KIF13A: variants seen among roughly 807,000 people sequenced by gnomAD.
KIF13A encodes kinesin family member 13A.
In KIF13A, 79 loss-of-function variants were observed where a neutral mutation model predicts 212.2. The ratio of observed to expected loss-of-function variants is 0.37; its 90% CI spans 0.31 to 0.45. KIF13A has a LOEUF of 0.45. Among genes scored for constraint, KIF13A ranks in the 20% least tolerant of loss-of-function variants. KIF13A has a pLI of 1.00. For missense variants in KIF13A, 1,901 were observed against 2,209.0 expected (o/e 0.86, Z 2.79); for synonymous variants, 789 against 808.6 (o/e 0.98, Z 0.41).
At chr6:17,801,543 C>T (rs1762476142) in intron 20 of KIF13A, among the ~76,000 whole-genome samples, 1 of 152,170 alleles carries the variant, frequency 6.6e-6, no homozygotes, top group African/African-American at 2.4e-5. Context: ...AGCAACAAAA[C>T]TCACTAATAA....
intron 22 of KIF13A, among the ~76,000 whole-genome samples, chr6:17,797,860 T>G (rs1164117890): frequency 1.3e-5 from 2 of 152,256 alleles, no homozygotes; most frequent in South Asian, 4.1e-4. Context: ...ATTGTGCCAC[T>G]GCATTCCAGC....
intron 9 of KIF13A, among the ~76,000 whole-genome samples, chr6:17,844,433 C>G (rs974135935): frequency 6.6e-6 from 1 of 152,092 alleles, no homozygotes; most frequent in Admixed American, 6.6e-5. Context: ...TATGTTGAAC[C>G]TAGAATTCTG....
intron 6 of KIF13A, among the ~76,000 whole-genome samples, chr6:17,854,842 T>C (rs1234362519): frequency 2.0e-5 from 3 of 152,106 alleles, no homozygotes; most frequent in Admixed American, 6.6e-5. Context: ...TATGAGTCAC[T>C]GTACCCGGCC....
chr6:17,948,487 T>G (rs1233302763), intron 2 of KIF13A, among the ~76,000 whole-genome samples: 3 of 151,868 alleles, frequency 2.0e-5, no homozygotes, highest in Non-Finnish European at 4.4e-5. Flanking sequence ...AAATAAGTTA[T>G]GCTACATGAA....
chr6:17,914,427 A>G lies in KIF13A; in HGVS notation c.147-16247T>C, dbSNP rs1316206394. On this transcript the variant is annotated intron_variant, in intron 2 of 38. Transcript: ENST00000259711. This position sits in a 1 kb window ranked among gnomAD's most constrained non-coding sequence, Gnocchi z 5.9. Reference sequence around the variant, plus strand: ...AAATACAAAACTTGAGATGAATATGAGTACATCCACAATAACTATTAATTT... The same window carrying G: ...AAATACAAAACTTGAGATGAATATGGGTACATCCACAATAACTATTAATTT... Among the ~76,000 whole-genome samples, 1 of 152,236 alleles carries G rather than the reference A, an allele frequency of 6.6e-6. No individual in the cohort carries two copies. The highest frequency in any genetic ancestry group is 2.4e-5 in the African/African-American group (1 of 41,446).
In KIF13A at chr6:17,926,503, A is replaced by AT. The variant is rs1775512719; in HGVS notation, c.147-28324dup. Among the ~76,000 whole-genome samples, 1 of 152,148 alleles carries AT rather than the reference A, an allele frequency of 6.6e-6. No homozygotes were observed. Among genetic ancestry groups the AT allele is most frequent in the Admixed American group, 6.5e-5 (1 of 15,274 alleles). Reference sequence around the variant, plus strand: ...TGCCTCGGCCTCCCAAAGTGCTGGTATTACAGGTGTGAGCCACCATGCCTG... The same window carrying AT: ...TGCCTCGGCCTCCCAAAGTGCTGGTATTTACAGGTGTGAGCCACCATGCCTG... On this transcript the variant is annotated intron_variant, in intron 2 of 38. Coordinates refer to ENST00000259711, the MANE Select transcript of KIF13A (RefSeq NM_022113.6). The surrounding 1 kb of genome is among the most constrained non-coding windows in gnomAD (Gnocchi z 4.3).
At chr6:17,922,608 T>TA (rs11285603) in intron 2 of KIF13A, among the ~76,000 whole-genome samples, 3,074 of 145,204 alleles carry the variant, frequency 0.021, 45 homozygotes, top group East Asian at 0.052. Flanking sequence ...ATGAAAAACT[T>TA]AAAAAAAAAA....
At chr6:17,766,221 T>TTTATTTATTTATTTATTTA (rs1758962144) in intron 38 of KIF13A, among the ~76,000 whole-genome samples, 1 of 72,622 alleles carries the variant, frequency 1.4e-5, no homozygotes, top group Non-Finnish European at 3.5e-5. Context: ...ATTTTTAAGA[T>TTTATTTATTTATTTATTTA]TTATTTATTT....
rs116199431 is a variant in KIF13A, at chr6:17,797,893, G to A, written c.2791-1073C>T. The stretch of plus-strand genomic sequence containing the variant: ...AGCCTGGGCAACAGAGTGAGACATC[G>A]TCTTTAAAAATAAAAACAAACCCAA... On this transcript the variant is annotated intron_variant, in intron 22 of 38. Coordinates refer to ENST00000259711, the MANE Select transcript of KIF13A (RefSeq NM_022113.6). 8.0e-3 allele frequency among the ~76,000 whole-genome samples: 1,213 copies of A among 152,172 alleles called. 20 individuals are homozygous for A. Among genetic ancestry groups the A allele is most frequent in the African/African-American group, 0.028 (1,161 of 41,504 alleles).
chr6:17,809,006 A>T lies in KIF13A; in HGVS notation c.2001-76T>A. ...CCCGTTTCTAAGTGAGCATCTTATT[A>T]GAAAATGGGAGAAAACTCCTCTCGG... On this transcript the variant is annotated intron_variant, in intron 17 of 38. Transcript: ENST00000259711. This position sits in a 1 kb window ranked among gnomAD's most constrained non-coding sequence, Gnocchi z 4.7. 1 of 1,302,988 alleles carries T rather than the reference A, an allele frequency of 7.7e-7. No individual in the cohort carries two copies. Among genetic ancestry groups the T allele is most frequent in the Non-Finnish European group, 1.0e-6 (1 of 970,972 alleles). 80.7% of individuals were successfully genotyped at this position (1,302,988 alleles called of 1,614,324 possible).
chr6:17,956,302 A>G (rs1429223055), intron 2 of KIF13A, among the ~76,000 whole-genome samples: 1 of 151,940 alleles, frequency 6.6e-6, no homozygotes, highest in South Asian at 2.1e-4. Context: ...CTCTGTTATT[A>G]GACTCAACAA....
At chr6:17,976,111 C>T (rs1483014194) in intron 2 of KIF13A, among the ~76,000 whole-genome samples, 4 of 152,260 alleles carry the variant, frequency 2.6e-5, no homozygotes, top group Admixed American at 1.3e-4. Context: ...TCACTAGACT[C>T]AGGAGCCCAG....
rs529126014 is a variant in KIF13A, at chr6:17,804,184, T to C, written c.2454+177A>G. 2.0e-5 allele frequency among the ~76,000 whole-genome samples: 3 copies of C among 150,370 alleles called. No homozygotes were observed. In the East Asian group the frequency reaches 5.8e-4, roughly 29 times the overall value. On this transcript the variant is annotated intron_variant, in intron 20 of 38. Transcript: ENST00000259711. ...CAAACAAACAAACAAAACCATGACT[T>C]AATCCTCAAAGCTTCTAATATCGAT...
At chr6:17,779,257 A>ATATATT (rs1561961153) in intron 32 of KIF13A, among the ~76,000 whole-genome samples, 158 bp from the exon 33 acceptor site, 18 of 37,834 alleles carry the variant, frequency 4.8e-4, no homozygotes, top group African/African-American at 1.9e-3. Flanking sequence ...ATATATATAT[A>ATATATT]TTTTTTTTTT....
intron 18 of KIF13A, among the ~76,000 whole-genome samples, chr6:17,807,029 A>C (rs1010780214): frequency 1.3e-5 from 2 of 152,218 alleles, no homozygotes; most frequent in Non-Finnish European, 2.9e-5. Context: ...CTTTACTTTT[A>C]TCTCTTAATC....
chr6:17,850,691 G>T lies in KIF13A; in HGVS notation c.583-234C>A, dbSNP rs902382921. On this transcript the variant is annotated intron_variant, in intron 7 of 38. Coordinates refer to ENST00000259711, the MANE Select transcript of KIF13A (RefSeq NM_022113.6). This position sits in a 1 kb window ranked among gnomAD's most constrained non-coding sequence, Gnocchi z 6.2. ...CATTTCCCAATTGTCTTCTTTCTCA[G>T]TTGAGTCCCTATTTTCTCCTTTTTG... Among the ~76,000 whole-genome samples the T allele has an allele frequency of 5.9e-5, 9 of 152,122 alleles. No individual in the cohort carries two copies. The highest frequency in any genetic ancestry group is 1.9e-4 in the African/African-American group (8 of 41,494).
chr6:17,859,669 C>T (rs1351851652), intron 4 of KIF13A, among the ~76,000 whole-genome samples: 8 of 137,070 alleles, frequency 5.8e-5, no homozygotes, highest in Non-Finnish European at 1.1e-4. Flanking sequence ...CGAGTCTTGC[C>T]CTGTCACCCA....
At chr6:17,841,122 C>T (rs1388337194) in intron 9 of KIF13A, among the ~76,000 whole-genome samples, 5 of 151,360 alleles carry the variant, frequency 3.3e-5, no homozygotes, top group African/African-American at 7.3e-5. Context: ...ACTTTGTTGC[C>T]CAGGCACTGG....
At chr6:17,907,227 C>T (rs867962570) in intron 2 of KIF13A, among the ~76,000 whole-genome samples, 1 of 152,138 alleles carries the variant, frequency 6.6e-6, no homozygotes, top group Non-Finnish European at 1.5e-5. Flanking sequence ...ACAAGGTATA[C>T]AGATTGCATG....
Sources: gnomAD v4.1 joint callset for allele counts (sites outside exome capture counted in the v4.1 genomes callset) on GRCh38, gnomAD v4.1.1 for gene constraint, Gnocchi (gnomAD v3.1) non-coding constraint, MANE v1.5 for transcripts, NCBI Gene and HGNC (gene_info 2026-07-23, HGNC 2026-07-21) for gene names.